GATAD2B: variants seen among roughly 807,000 people sequenced by gnomAD.
The protein encoded by GATAD2B is GATA zinc finger domain containing 2B, also known as transcriptional repressor p66-beta.
Under a neutral mutation model 64.3 loss-of-function variants are expected in GATAD2B, and 8 were observed. The observed-to-expected ratio is 0.12, with a 90% CI of 0.07 to 0.22. The LOEUF is 0.22. Ranked by LOEUF, GATAD2B falls within the 10% of genes least tolerant of loss-of-function variation. GATAD2B has a pLI of 1.00. For missense variants in GATAD2B, 453 were observed against 752.0 expected, an observed-to-expected ratio of 0.60 and a Z score of 4.65; for synonymous variants, 281 against 271.3, an observed-to-expected ratio of 1.04 and a Z score of -0.35.
chr1:153,837,875 CT>C (rs901921716), intron 1 of GATAD2B, among the ~76,000 whole-genome samples: 19 of 152,236 alleles, frequency 1.2e-4, no homozygotes, highest in African/African-American at 4.6e-4. Context: ...CCTAACCAAT[CT>C]TTTTTTGTTT....
chr1:153,817,569 T>C (rs748909350), intron 5 of GATAD2B, 27 bp from the exon 6 acceptor site: 3 of 1,546,846 alleles, frequency 1.9e-6, no homozygotes, highest in East Asian at 2.3e-5. Flanking sequence ...GGAAAAGAAC[T>C]AATCACAGGT....
intron 1 of GATAD2B, among the ~76,000 whole-genome samples, chr1:153,855,466 T>G (rs1167270104): frequency 1.3e-5 from 2 of 152,152 alleles, no homozygotes; most frequent in Non-Finnish European, 2.9e-5. Flanking sequence ...TGACCTCTAG[T>G]GATCCACCCA....
rs1174945548 is a variant in GATAD2B, at chr1:153,863,576, T to A, written c.-1-35228A>T. ...ACATAATTAAATAAAGGAATAGGAG[T>A]TAGCTACATTTTTCCAACCTTCTCC... is the stretch of plus-strand genomic sequence containing the variant. On this transcript the variant is annotated intron_variant, in intron 1 of 10. Coordinates refer to ENST00000368655, the MANE Select transcript of GATAD2B (RefSeq NM_020699.4). Among the ~76,000 whole-genome samples the A allele has an allele frequency of 2.7e-5, 4 of 150,324 alleles. No homozygotes were observed. The East Asian group carries it at 7.8e-4, about 29-fold the overall frequency.
At chr1:153,910,677 T>C (rs1678087536) in intron 1 of GATAD2B, among the ~76,000 whole-genome samples, 1 of 152,056 alleles carries the variant, frequency 6.6e-6, no homozygotes, top group Non-Finnish European at 1.5e-5. Context: ...GAGGCAGAGG[T>C]TGCAGTGAGC....
chr1:153,878,170 T>G (rs1237415696), intron 1 of GATAD2B, among the ~76,000 whole-genome samples: 1 of 151,960 alleles, frequency 6.6e-6, no homozygotes, highest in Non-Finnish European at 1.5e-5. Flanking sequence ...ATCTTTTTTT[T>G]TTTTTCTTTT....
intron 1 of GATAD2B, among the ~76,000 whole-genome samples, chr1:153,910,664 C>T (rs1360702724): frequency 6.6e-6 from 1 of 151,848 alleles, no homozygotes; most frequent in Non-Finnish European, 1.5e-5. Flanking sequence ...CACTTGAACC[C>T]AGGAGGCAGA....
intron 2 of GATAD2B, among the ~76,000 whole-genome samples, chr1:153,825,573 GCCA>G (rs1480043772): frequency 2.6e-5 from 4 of 152,062 alleles, no homozygotes; most frequent in Non-Finnish European, 2.9e-5. Context: ...ACAGGTGTGT[GCCA>G]CCACACCTGG....
At chr1:153,841,595 C>CT (rs1281113739) in intron 1 of GATAD2B, among the ~76,000 whole-genome samples, 1 of 152,170 alleles carries the variant, frequency 6.6e-6, no homozygotes, top group Non-Finnish European at 1.5e-5. Context: ...GATAATTTCA[C>CT]TGAGATTCAT....
intron 1 of GATAD2B, among the ~76,000 whole-genome samples, chr1:153,835,209 T>C (rs1332113673): frequency 2.6e-5 from 4 of 152,152 alleles, no homozygotes; most frequent in Non-Finnish European, 2.9e-5. Context: ...AATCTACTCC[T>C]GGTAAGATGC....
At chr1:153,891,222 A>G (rs1677387684) in intron 1 of GATAD2B, among the ~76,000 whole-genome samples, 1 of 151,164 alleles carries the variant, frequency 6.6e-6, no homozygotes, top group Admixed American at 6.6e-5. Context: ...AAGGAAAGGA[A>G]AAAGGGAAGG....
chr1:153,886,841 G>A (rs1335237363), intron 1 of GATAD2B, among the ~76,000 whole-genome samples: 1 of 152,024 alleles, frequency 6.6e-6, no homozygotes, highest in Non-Finnish European at 1.5e-5. Context: ...TTACAGGCAT[G>A]AGCCACTGCG....
At chr1:153,892,271 T>C (rs945512682) in intron 1 of GATAD2B, among the ~76,000 whole-genome samples, 1 of 150,166 alleles carries the variant, frequency 6.7e-6, no homozygotes, top group Non-Finnish European at 1.5e-5. Context: ...GTAAAACAGG[T>C]AACAAGACTA....
intron 1 of GATAD2B, among the ~76,000 whole-genome samples, chr1:153,864,219 CA>C (rs372379524): frequency 2.6e-5 from 4 of 152,134 alleles, no homozygotes; most frequent in African/African-American, 9.6e-5. Flanking sequence ...AAGTGCACTC[CA>C]AAAGGAAGAC....
Position 153,922,829 on chromosome 1 carries a change from C to T in GATAD2B, c.-98G>A, listed in dbSNP as rs563588960. On this transcript the variant is annotated 5_prime_UTR_variant, in exon 1 of 11. Transcript: ENST00000368655. ...GGCGACGGCACAGGGGATCCAGACCCTGCTGACGGGACTAGGGACGGGGGT... is the reference window on the plus strand; with the variant it reads ...GGCGACGGCACAGGGGATCCAGACCTTGCTGACGGGACTAGGGACGGGGGT... The T allele has an allele frequency of 1.7e-4, 23 of 135,130 alleles. No individual in the cohort carries two copies. Among genetic ancestry groups the T allele is most frequent in the African/African-American group, 6.1e-4 (22 of 36,192 alleles). 8.4% of individuals were successfully genotyped at this position (135,130 alleles called of 1,614,324 possible). A position where few individuals can be genotyped will look rare whatever the true frequency, so the allele number is the denominator to read the frequency against.
chr1:153,824,264 T>C (rs1465497218), intron 2 of GATAD2B, among the ~76,000 whole-genome samples: 1 of 152,128 alleles, frequency 6.6e-6, no homozygotes, highest in Non-Finnish European at 1.5e-5. Context: ...TACGTCAGCC[T>C]GGGCAACACA....
intron 1 of GATAD2B, among the ~76,000 whole-genome samples, chr1:153,884,114 C>A (rs183717259): frequency 6.6e-6 from 1 of 151,768 alleles, no homozygotes; most frequent in East Asian, 2.0e-4. Context: ...CTGGCCAACA[C>A]GGTGAAACCC....
At position 153,817,451 on chromosome 1, in the gene GATAD2B, T is replaced by A. The variant is rs1246268544; in HGVS notation, c.821A>T (p.Gln274Leu). ...RVIAPNPAQL[Q>L]GQRGPPKPGL... ...AGGCTTAGGCGGGCCCCGCTGACCC[T>A]GTAGCTGGGCTGGGTTTGGTGCAAT... Residue 274 changes from glutamine to leucine, a missense_variant, in exon 6 of 11, where the codon CAG becomes CTG. By Grantham distance (113) the Gln-to-Leu change is moderately radical. Coordinates refer to ENST00000368655, the MANE Select transcript of GATAD2B (RefSeq NM_020699.4). The A allele has an allele frequency of 6.2e-7, 1 of 1,613,418 alleles. No individual in the cohort carries two copies. The highest frequency in any genetic ancestry group is 1.3e-5 in the African/African-American group (1 of 75,034).
At chr1:153,815,785 G>C (rs1674460279) in intron 7 of GATAD2B, among the ~76,000 whole-genome samples, 1 of 152,200 alleles carries the variant, frequency 6.6e-6, no homozygotes, top group Non-Finnish European at 1.5e-5. Context: ...GGGTACAGTG[G>C]CTCATGCCTG....
intron 1 of GATAD2B, chr1:153,886,469 C>T (rs973902343): frequency 2.6e-5 from 4 of 151,540 alleles, no homozygotes; most frequent in African/African-American, 9.7e-5. Context: ...TATCCTTGGA[C>T]TCAGCAATCA....
Sources: allele counts gnomAD v4.1 joint callset (sites outside exome capture counted in the v4.1 genomes callset), GRCh38; gene constraint gnomAD v4.1.1; transcripts MANE v1.5; gene names NCBI Gene and HGNC (gene_info 2026-07-23, HGNC 2026-07-21).